The following STPG2 variants were observed in gnomAD, a reference collection of about 807,000 sequenced individuals.
STPG2 encodes sperm-tail PG-rich repeat-containing protein 2.
Under a neutral mutation model 54.2 loss-of-function variants are expected in STPG2, and 56 were observed. That is an observed-to-expected ratio of 1.03 (90% CI 0.83 to 1.29). The LOEUF (loss-of-function observed/expected upper bound fraction) is 1.29, where lower values mean the gene tolerates loss of function less well. Ranked by LOEUF, STPG2 falls within the 50% of genes most tolerant of loss-of-function variation. The probability of loss-of-function intolerance (pLI) is 0.00; values close to 1 mark genes in which losing one functional copy is unlikely to be tolerated. For synonymous variants in STPG2, 200 were observed against 181.8 expected, an observed-to-expected ratio of 1.10 and a Z score of -0.81; for missense variants, 596 against 544.9, an observed-to-expected ratio of 1.09 and a Z score of -0.93.
At chr4:97,665,850 C>G (rs901494371) in intron 10 of STPG2, among the ~76,000 whole-genome samples, 4 of 152,116 alleles carry the variant, frequency 2.6e-5, no homozygotes, top group African/African-American at 9.7e-5. Flanking sequence ...GTTATCACTG[C>G]CCTGAGCACA....
At chr4:98,021,532 T>C (rs911781693) in intron 5 of STPG2, among the ~76,000 whole-genome samples, 2 of 152,106 alleles carry the variant, frequency 1.3e-5, no homozygotes, top group African/African-American at 4.8e-5. Context: ...GTCTATTAGG[T>C]CTGCTTGGTG....
At chr4:97,786,333 TC>T (rs1334898099) in intron 9 of STPG2, among the ~76,000 whole-genome samples, 1 of 152,136 alleles carries the variant, frequency 6.6e-6, no homozygotes, top group Non-Finnish European at 1.5e-5. Context: ...TTAATTTTTT[TC>T]AGTGATCTTC....
At chr4:97,508,546 G>A (rs1730902649) in intron 4 of STPG2, among the ~76,000 whole-genome samples, 1 of 151,808 alleles carries the variant, frequency 6.6e-6, no homozygotes, top group South Asian at 2.1e-4. Context: ...ATAACATTTT[G>A]GATTGAATGA....
chr4:97,832,714 A>G (rs1016284510), intron 9 of STPG2, among the ~76,000 whole-genome samples: 3 of 152,170 alleles, frequency 2.0e-5, no homozygotes, highest in Non-Finnish European at 2.9e-5. Context: ...CCTATACACC[A>G]ATAACAGACA....
intron 8 of STPG2, among the ~76,000 whole-genome samples, chr4:97,882,408 C>T (rs1422798880): frequency 6.6e-6 from 1 of 152,120 alleles, no homozygotes; most frequent in Non-Finnish European, 1.5e-5. Context: ...AACCATGTTG[C>T]CTCAAGGGCA....
intron 8 of STPG2, among the ~76,000 whole-genome samples, chr4:97,903,846 C>T (rs1291079687): frequency 6.6e-6 from 1 of 152,174 alleles, no homozygotes; most frequent in African/African-American, 2.4e-5. Context: ...ACAGATGGCA[C>T]CTGGAAAATC....
chr4:98,116,247 T>C (rs1232294036), intron 3 of STPG2, among the ~76,000 whole-genome samples: 1 of 132,502 alleles, frequency 7.5e-6, no homozygotes, highest in East Asian at 2.0e-4. Context: ...CACATTATTC[T>C]GAAACAAAAA....
At chr4:97,920,988 T>C (rs1411267742) in intron 8 of STPG2, among the ~76,000 whole-genome samples, 3 of 152,140 alleles carry the variant, frequency 2.0e-5, no homozygotes, top group African/African-American at 7.2e-5. Flanking sequence ...ACAAGCAAAA[T>C]GTTGTGGATA....
intron 7 of STPG2, among the ~76,000 whole-genome samples, chr4:97,960,632 C>A (rs1714918657): frequency 6.6e-6 from 1 of 151,852 alleles, no homozygotes; most frequent in Admixed American, 6.6e-5. Context: ...TAGGAATATA[C>A]CTAACCAAGG....
intron 3 of STPG2, among the ~76,000 whole-genome samples, chr4:98,110,284 A>G (rs1739308759): frequency 6.6e-6 from 1 of 152,108 alleles, no homozygotes; most frequent in East Asian, 1.9e-4. Context: ...GCAGTCTCCC[A>G]AGAGAAAAAT....
chr4:97,585,359 A>G (rs953834246), intron 10 of STPG2, among the ~76,000 whole-genome samples: 1 of 151,970 alleles, frequency 6.6e-6, no homozygotes, highest in Non-Finnish European at 1.5e-5. Flanking sequence ...GTTCTCCTTC[A>G]CTGCCAGATC....
At chr4:97,856,132 A>G (rs757835328) in intron 8 of STPG2, among the ~76,000 whole-genome samples, 6 of 151,916 alleles carry the variant, frequency 3.9e-5, no homozygotes, top group Non-Finnish European at 2.9e-5. Context: ...TCTGCTTAGG[A>G]TTTTCTTGGC....
chr4:97,749,789 G>T (rs1207799515), intron 9 of STPG2, among the ~76,000 whole-genome samples: 1 of 151,742 alleles, frequency 6.6e-6, no homozygotes, highest in Non-Finnish European at 1.5e-5. Flanking sequence ...ATTTTCTAAA[G>T]TTTTTAGAAG....
intron 10 of STPG2, among the ~76,000 whole-genome samples, chr4:97,621,864 T>C (rs1312820189): frequency 6.6e-6 from 1 of 152,138 alleles, no homozygotes; most frequent in African/African-American, 2.4e-5. Context: ...TGAACATACA[T>C]GCAAAAACCT....
At chr4:97,949,734 G>A (rs1382346277) in intron 7 of STPG2, among the ~76,000 whole-genome samples, 2 of 152,152 alleles carry the variant, frequency 1.3e-5, no homozygotes, top group Non-Finnish European at 2.9e-5. Context: ...GTTTGTAAGT[G>A]TTCTGCTGAG....
intron 10 of STPG2, among the ~76,000 whole-genome samples, chr4:97,678,903 A>G (rs1228307878): frequency 6.6e-6 from 1 of 151,246 alleles, no homozygotes; most frequent in Non-Finnish European, 1.5e-5. Context: ...GCGATAGTTT[A>G]CTGAGAATGA....
chr4:97,932,834 G>C (rs1366497798), intron 8 of STPG2, among the ~76,000 whole-genome samples: 2 of 152,090 alleles, frequency 1.3e-5, no homozygotes, highest in Non-Finnish European at 2.9e-5. Context: ...GATATGTGTG[G>C]ATGTATCTTT....
At chr4:97,724,457 AT>A (rs1724555905) in intron 9 of STPG2, among the ~76,000 whole-genome samples, 2 of 152,104 alleles carry the variant, frequency 1.3e-5, no homozygotes, top group African/African-American at 4.8e-5. Flanking sequence ...TTCTTATTTA[AT>A]CCTAGGAACG....
intron 5 of STPG2, among the ~76,000 whole-genome samples, chr4:98,016,057 G>T (rs984136822): frequency 1.3e-5 from 2 of 152,138 alleles, no homozygotes; most frequent in African/African-American, 4.8e-5. Flanking sequence ...GGGCCTGTGT[G>T]GGGGTGGAAG....
Sources: allele counts gnomAD v4.1 joint callset (sites outside exome capture counted in the v4.1 genomes callset), GRCh38; gene constraint gnomAD v4.1.1; transcripts MANE v1.5; gene names NCBI Gene and HGNC (gene_info 2026-07-23, HGNC 2026-07-21).